GC: variants seen among roughly 807,000 people sequenced by gnomAD.
GC encodes the protein GC vitamin D binding protein, also known as vitamin D-binding protein.
Under a neutral mutation model 56.7 loss-of-function variants are expected in GC, and 43 were observed. The ratio of observed to expected loss-of-function variants is 0.76; its 90% confidence interval spans 0.59 to 0.98. The LOEUF (loss-of-function observed/expected upper bound fraction) is 0.98, where lower values mean the gene tolerates loss of function less well. GC is among the 50% of genes least tolerant of loss of function. The pLI, the probability that GC is intolerant of heterozygous loss-of-function variation, is 0.00. For missense variants in GC, 529 were observed against 545.9 expected, an observed-to-expected ratio of 0.97 and a Z score of 0.31; for synonymous variants, 216 against 202.7, an observed-to-expected ratio of 1.07 and a Z score of -0.56.
At chr4:71,768,475 G>GTTT in intron 2 of GC, 42 bp from the exon 3 acceptor site, 10 of 1,278,638 alleles carry the variant, frequency 7.8e-6, no homozygotes, top group East Asian at 5.7e-5. Context: ...GAACTGAAAG[G>GTTT]TTTTTTTTTT....
At chr4:71,778,282 C>G (rs2149305182) in intron 1 of GC, among the ~76,000 whole-genome samples, 1 of 151,884 alleles carries the variant, frequency 6.6e-6, no homozygotes, top group African/African-American at 2.4e-5. Context: ...TGACTGGTAA[C>G]TAATTATTTT....
chr4:71,762,512 T>G (rs1031487871), intron 6 of GC, among the ~76,000 whole-genome samples: 3 of 152,128 alleles, frequency 2.0e-5, no homozygotes, highest in African/African-American at 7.2e-5. Flanking sequence ...GCATAATTAG[T>G]TTTGAAATGT....
chr4:71,768,248 T>C (rs952742248), intron 3 of GC, 53 bp downstream of exon 3: 1 of 1,502,794 alleles, frequency 6.7e-7, no homozygotes, highest in Non-Finnish European at 8.9e-7. Flanking sequence ...TAAAGGCCTA[T>C]TTTGGCTTCC....
chr4:71,799,812 G>T (rs1243054904), intron 1 of GC, among the ~76,000 whole-genome samples: 1 of 152,182 alleles, frequency 6.6e-6, no homozygotes, highest in African/African-American at 2.4e-5. Flanking sequence ...GAGGGAGGTT[G>T]ATAGATTCAT....
At chr4:71,763,017 A>G (rs1742035241) in intron 6 of GC, among the ~76,000 whole-genome samples, 1 of 152,240 alleles carries the variant, frequency 6.6e-6, no homozygotes, top group Non-Finnish European at 1.5e-5. Context: ...AAGAATTCAG[A>G]TGTCTCATTC....
intron 1 of GC, chr4:71,769,707 T>C (rs1428193193): frequency 4.1e-6 from 1 of 241,296 alleles, no homozygotes; most frequent in African/African-American, 2.2e-5. Flanking sequence ...TGGCAACTAT[T>C]AGGTCCTATC....
intron 12 of GC, among the ~76,000 whole-genome samples, chr4:71,742,523 A>G (rs957189720): frequency 3.9e-5 from 6 of 152,052 alleles, no homozygotes; most frequent in Non-Finnish European, 7.4e-5. Context: ...AGTGTGAGCA[A>G]CTCTCTGTGC....
chr4:71,788,925 T>C (rs572870435), upstream of GC, among the ~76,000 whole-genome samples: 155 of 152,034 alleles, frequency 1.0e-3, no homozygotes, highest in South Asian at 4.8e-3. Flanking sequence ...ATTTAGGTTC[T>C]TAGTATTCTT....
intron 1 of GC, among the ~76,000 whole-genome samples, chr4:71,794,143 T>G (rs2149309636): frequency 6.6e-6 from 1 of 152,320 alleles, no homozygotes; most frequent in South Asian, 2.1e-4. Context: ...TCTGCCAGGC[T>G]TTGGTATCAG....
chr4:71,798,056 T>C (rs1427236220), intron 1 of GC, among the ~76,000 whole-genome samples: 2 of 152,226 alleles, frequency 1.3e-5, no homozygotes, highest in Non-Finnish European at 2.9e-5. Flanking sequence ...TGTTCTTCAG[T>C]TGGGATAGTT....
At chr4:71,772,307 C>T (rs1742368268) in intron 1 of GC, among the ~76,000 whole-genome samples, 1 of 152,130 alleles carries the variant, frequency 6.6e-6, no homozygotes, top group Non-Finnish European at 1.5e-5. Flanking sequence ...TTCCCCCCTA[C>T]AAAATGGAAG....
At chr4:71,802,575 A>G (rs1743277302) in intron 1 of GC, among the ~76,000 whole-genome samples, 1 of 152,236 alleles carries the variant, frequency 6.6e-6, no homozygotes. Context: ...TTGAAAATGC[A>G]TTTAATACTG....
At chr4:71,768,603 C>T (rs992653068) in intron 2 of GC, among the ~76,000 whole-genome samples, 170 bp from the exon 3 acceptor site, 2 of 152,042 alleles carry the variant, frequency 1.3e-5, no homozygotes, top group Non-Finnish European at 2.9e-5. Context: ...GTAGCTGGGA[C>T]TACAGGTGTG....
chr4:71,758,151 TG>T lies in GC; in HGVS notation c.721del (p.Gln241LysfsTer14). ...CTCCAGATCAGCAGTAGGCACTTTT[TG>T]GGCTAACTTTATGAGATTGCTAAAC... ...SRLSNLIKLA[Q>X]KVPTADLEDV... is the part of the protein sequence containing the mutation. On this transcript the variant is annotated frameshift_variant, in exon 7 of 13. Transcript: ENST00000273951. LOFTEE classifies it high-confidence loss of function. 1 of 1,613,206 alleles carries T rather than the reference TG, an allele frequency of 6.2e-7. No individual in the cohort carries two copies. Among genetic ancestry groups the T allele is most frequent in the Non-Finnish European group, 8.5e-7 (1 of 1,179,246 alleles).
At chr4:71,783,331 A>G (rs221999) in intron 1 of GC, among the ~76,000 whole-genome samples, 33,913 of 151,666 alleles carry the variant, frequency 0.22, 4,301 homozygotes, top group East Asian at 0.34. Flanking sequence ...TTTATCATGT[A>G]AAAAAATTTT....
At chr4:71,776,609 T>G (rs937019457) in intron 1 of GC, among the ~76,000 whole-genome samples, 2 of 151,838 alleles carry the variant, frequency 1.3e-5, no homozygotes, top group Non-Finnish European at 2.9e-5. Flanking sequence ...TAGTTAATCA[T>G]GTATTTTATA....
At chr4:71,801,352 C>T (rs1208796867) in intron 1 of GC, among the ~76,000 whole-genome samples, 1 of 152,204 alleles carries the variant, frequency 6.6e-6, no homozygotes, top group African/African-American at 2.4e-5. Flanking sequence ...GAGCACATTT[C>T]CTACTCCCAT....
chr4:71,774,055 A>C (rs530192815), intron 1 of GC, among the ~76,000 whole-genome samples: 1 of 152,128 alleles, frequency 6.6e-6, no homozygotes, highest in Non-Finnish European at 1.5e-5. Flanking sequence ...TGGTTATAAG[A>C]GATTTCTGTA....
intron 5 of GC, 69 bp downstream of exon 5, chr4:71,763,735 A>G: frequency 7.5e-7 from 1 of 1,339,044 alleles, no homozygotes; most frequent in Admixed American, 2.2e-5. Context: ...CTCAATTTCT[A>G]CCATTATCTA....
Sources: allele counts gnomAD v4.1 joint callset (sites outside exome capture counted in the v4.1 genomes callset), GRCh38; gene constraint gnomAD v4.1.1; transcripts MANE v1.5; gene names NCBI Gene and HGNC (gene_info 2026-07-23, HGNC 2026-07-21).